The following FRMPD4 variants were observed in gnomAD, a reference collection of about 807,000 sequenced individuals.
The protein encoded by FRMPD4 is FERM and PDZ domain containing 4, also known as FERM and PDZ domain-containing protein 4.
Under a neutral mutation model 94.1 loss-of-function variants are expected in FRMPD4, and 22 were observed. The ratio of observed to expected loss-of-function variants is 0.23; its 90% confidence interval spans 0.17 to 0.33. FRMPD4 has a LOEUF of 0.33. Among genes scored for constraint, FRMPD4 ranks in the 10% least tolerant of loss-of-function variants. The probability of loss-of-function intolerance (pLI) is 1.00; values close to 1 mark genes in which losing one functional copy is unlikely to be tolerated. For missense variants in FRMPD4, 1,111 were observed against 1,339.9 expected (o/e 0.83, Z 2.67); for synonymous variants, 631 against 548.6 (o/e 1.15, Z -2.10).
intron 1 of FRMPD4, among the ~76,000 whole-genome samples, chrX:12,390,990 T>C (rs2056466680): frequency 8.9e-6 from 1 of 112,141 alleles, no homozygotes; most frequent in South Asian, 3.7e-4. Context: ...AGGTACTTCA[T>C]AGAGTCAGTC....
chrX:12,407,807 C>T (rs1218043209), intron 1 of FRMPD4, among the ~76,000 whole-genome samples: 1 of 111,725 alleles, frequency 9.0e-6, no homozygotes, highest in Non-Finnish European at 1.9e-5. Context: ...TCCAATAAAA[C>T]TTTTTTTGTA....
chrX:11,912,115 A>T (rs5935184), intron 3 of FRMPD4, among the ~76,000 whole-genome samples: 38,767 of 110,847 alleles, frequency 0.35, 5,017 homozygotes, highest in East Asian at 0.69. Flanking sequence ...CATGCCCCTT[A>T]GTCTTTTCAA....
intron 3 of FRMPD4, among the ~76,000 whole-genome samples, chrX:12,101,940 A>C (rs183680938): frequency 8.9e-6 from 1 of 111,919 alleles, no homozygotes; most frequent in Non-Finnish European, 1.9e-5. Context: ...ATCCAACTAC[A>C]TTAAGCTTCA....
At chrX:12,563,948 TA>T (rs2058685238) in intron 2 of FRMPD4, among the ~76,000 whole-genome samples, 1 of 112,366 alleles carries the variant, frequency 8.9e-6, no homozygotes, top group South Asian at 3.7e-4. Flanking sequence ...CACACTAAAC[TA>T]GGGTGACTTA....
At chrX:12,695,862 G>C (rs953264941) in intron 9 of FRMPD4, among the ~76,000 whole-genome samples, 5 of 110,927 alleles carry the variant, frequency 4.5e-5, no homozygotes, top group Non-Finnish European at 7.6e-5. Context: ...TCAGCCTCCC[G>C]AGTAGCTGGG....
In FRMPD4 at chrX:12,251,490, C is replaced by T. The variant is rs773541439; in HGVS notation, c.41+112478C>T. Among the ~76,000 whole-genome samples the T allele has an allele frequency of 4.0e-4, 45 of 111,620 alleles. 1 individual carries two copies. The highest frequency in any genetic ancestry group is 1.4e-3 in the African/African-American group (44 of 30,742). On this transcript the variant is annotated intron_variant, in intron 1 of 16. Coordinates refer to ENST00000675598, the MANE Select transcript of FRMPD4 (RefSeq NM_001368397.1). Reference sequence around the variant, plus strand: ...ACATGGAGGCCGAAATCCTTTGCCTCGGGTCAAAGCAACTTGGAGGTGTAA... The same window carrying T: ...ACATGGAGGCCGAAATCCTTTGCCTTGGGTCAAAGCAACTTGGAGGTGTAA...
Position 12,720,964 on chromosome X carries a change from T to C in FRMPD4, c.4395T>C (p.Ser1465=). 1 of 781,629 alleles carries C rather than the reference T, an allele frequency of 1.3e-6. No individual in the cohort carries two copies. The highest frequency in any genetic ancestry group is 1.5e-6 in the Non-Finnish European group (1 of 655,110). 64.4% of individuals were successfully genotyped at this position (781,629 alleles called of 1,213,427 possible). A position where few individuals can be genotyped will look rare whatever the true frequency, so the allele number is the denominator to read the frequency against. Residue 1465 remains serine, a synonymous_variant, in exon 17 of 17, where the codon TCT becomes TCC. Transcript: ENST00000675598. Reference sequence around the variant, plus strand: ...CCCAAAGCTCAATGCACTTGAGCTCTGAGGGGAGGTTTCACAAAAGGTCCC... The same window carrying C: ...CCCAAAGCTCAATGCACTTGAGCTCCGAGGGGAGGTTTCACAAAAGGTCCC... ...SFSQSSMHLS[S]EGRFHKRSPV... is the part of the protein sequence containing the mutation.
intron 1 of FRMPD4, among the ~76,000 whole-genome samples, chrX:12,231,599 G>C (rs1027208931): frequency 1.8e-5 from 2 of 111,142 alleles, no homozygotes; most frequent in African/African-American, 6.6e-5. Context: ...GACTCACTTC[G>C]AGGAACTTTA....
At chrX:12,368,705 C>G (rs773182067) in intron 1 of FRMPD4, among the ~76,000 whole-genome samples, 1 of 110,909 alleles carries the variant, frequency 9.0e-6, no homozygotes, top group East Asian at 2.8e-4. Flanking sequence ...ATGGTGAAAC[C>G]CCATCTCTAT....
At chrX:12,348,965 A>G (rs1002091616) in intron 1 of FRMPD4, among the ~76,000 whole-genome samples, 3 of 112,569 alleles carry the variant, frequency 2.7e-5, no homozygotes, top group Non-Finnish European at 3.8e-5. Flanking sequence ...AATTGTCACA[A>G]TGATATTTAG....
At chrX:12,581,396 A>G (rs1292471115) in intron 2 of FRMPD4, among the ~76,000 whole-genome samples, 1 of 110,131 alleles carries the variant, frequency 9.1e-6, no homozygotes, top group African/African-American at 3.3e-5. Context: ...AAGATAGGCA[A>G]TCTCAGCAGA....
intron 3 of FRMPD4, among the ~76,000 whole-genome samples, chrX:11,973,058 G>A (rs1244768117): frequency 8.9e-6 from 1 of 111,886 alleles, no homozygotes; most frequent in Non-Finnish European, 1.9e-5. Context: ...CCTCTCCCAT[G>A]GGCTGTTCTA....
chrX:11,841,758 C>G (rs1421863791), intron 1 of FRMPD4, among the ~76,000 whole-genome samples: 1 of 105,666 alleles, frequency 9.5e-6, no homozygotes, highest in Non-Finnish European at 2.0e-5. Context: ...TTAATTAGAT[C>G]CCATTTGTCA....
intron 1 of FRMPD4, among the ~76,000 whole-genome samples, chrX:12,205,207 C>T (rs747340643): frequency 5.4e-5 from 6 of 110,455 alleles, no homozygotes; most frequent in African/African-American, 2.0e-4. Context: ...CTAAATCATC[C>T]AAGATAGATG....
At chrX:12,405,250 A>G (rs2056653855) in intron 1 of FRMPD4, among the ~76,000 whole-genome samples, 1 of 111,817 alleles carries the variant, frequency 8.9e-6, no homozygotes, top group Admixed American at 9.5e-5. Flanking sequence ...CTAATACAAG[A>G]GAAGGGAAAA....
intron 3 of FRMPD4, among the ~76,000 whole-genome samples, chrX:12,052,736 C>T (rs1569149574): frequency 1.8e-5 from 2 of 111,737 alleles, no homozygotes; most frequent in Non-Finnish European, 3.8e-5. Context: ...TATTGACTTA[C>T]AATTGAGCTT....
intron 3 of FRMPD4, among the ~76,000 whole-genome samples, chrX:12,066,200 C>A (rs916083033): frequency 8.9e-6 from 1 of 111,850 alleles, no homozygotes; most frequent in African/African-American, 3.2e-5. Flanking sequence ...CACCCGAGAT[C>A]CTTCTTTTAG....
At chrX:12,347,240 A>G (rs1354652430) in intron 1 of FRMPD4, among the ~76,000 whole-genome samples, 1 of 110,597 alleles carries the variant, frequency 9.0e-6, no homozygotes, top group Admixed American at 9.6e-5. Flanking sequence ...TTTATTTTTT[A>G]TGTTTTTATT....
At chrX:12,443,899 AAACTTC>A (rs1318462341) in intron 1 of FRMPD4, among the ~76,000 whole-genome samples, 1 of 112,040 alleles carries the variant, frequency 8.9e-6, no homozygotes, top group Non-Finnish European at 1.9e-5. Context: ...CTTCTTTGAA[AAACTTC>A]AACTTGCATA....
Sources: gnomAD v4.1 joint callset for allele counts (sites outside exome capture counted in the v4.1 genomes callset) on GRCh38, gnomAD v4.1.1 for gene constraint, MANE v1.5 for transcripts, NCBI Gene and HGNC (gene_info 2026-07-23, HGNC 2026-07-21) for gene names.